The following ZNG1A variants were observed in gnomAD, a reference collection of about 807,000 sequenced individuals.
The protein encoded by ZNG1A is zinc-regulated GTPase metalloprotein activator 1A.
At chr9:168,715 A>T in the ZNG1A span, among the ~76,000 whole-genome samples, 1 of 147,168 alleles carries the variant, frequency 6.8e-6, no homozygotes, top group East Asian at 1.9e-4. Context: ...AGTTGAAGCC[A>T]ATAATCATTT....
chr9:170,179 T>A, the ZNG1A span, among the ~76,000 whole-genome samples: 105 of 149,316 alleles, frequency 7.0e-4, no homozygotes, highest in African/African-American at 2.1e-3. Flanking sequence ...AAAAACAGCT[T>A]GCTTGACCCC....
the ZNG1A span, among the ~76,000 whole-genome samples, chr9:137,454 T>C: frequency 6.6e-6 from 1 of 151,400 alleles, no homozygotes; most frequent in Non-Finnish European, 1.5e-5. Context: ...TCACAGGATC[T>C]GTAACTATCA....
At chr9:175,144 C>A in the ZNG1A span, among the ~76,000 whole-genome samples, 1 of 152,158 alleles carries the variant, frequency 6.6e-6, no homozygotes, top group African/African-American at 2.4e-5. Flanking sequence ...CTTTGGGAGG[C>A]CGAGGCGGGT....
the ZNG1A span, among the ~76,000 whole-genome samples, chr9:139,056 T>A: frequency 6.7e-6 from 1 of 149,030 alleles, no homozygotes; most frequent in Admixed American, 6.7e-5. Context: ...TATGGACATA[T>A]ACGAGACTTA....
At chr9:146,966 G>C in the ZNG1A span, 3 of 151,576 alleles carry the variant, frequency 2.0e-5, no homozygotes, top group East Asian at 1.9e-4. Context: ...ACAAGGTCAA[G>C]ATCAAGACCA....
the ZNG1A span, among the ~76,000 whole-genome samples, chr9:133,909 A>T: frequency 1.3e-5 from 2 of 148,512 alleles, no homozygotes; most frequent in South Asian, 4.4e-4. Flanking sequence ...ATAGAGGTTC[A>T]TTCGAGGCTC....
the ZNG1A span, among the ~76,000 whole-genome samples, chr9:160,628 A>G: frequency 6.6e-6 from 1 of 151,738 alleles, no homozygotes; most frequent in Non-Finnish European, 1.5e-5. Context: ...TGCTGATAAT[A>G]GATTCTATTT....
the ZNG1A span, chr9:146,218 C>G: frequency 6.3e-7 from 1 of 1,580,824 alleles, no homozygotes; most frequent in South Asian, 1.2e-5. Flanking sequence ...TCCAGTTAAT[C>G]AAGAAAAAAA....
the ZNG1A span, among the ~76,000 whole-genome samples, chr9:170,234 T>G: frequency 1.3e-5 from 2 of 151,296 alleles, no homozygotes; most frequent in Non-Finnish European, 2.9e-5. Context: ...TGGTCAAGAA[T>G]TTGCCTTTCT....
At chr9:152,410 G>T in the ZNG1A span, among the ~76,000 whole-genome samples, 1 of 152,196 alleles carries the variant, frequency 6.6e-6, no homozygotes, top group South Asian at 2.1e-4. Flanking sequence ...TTATCCTAGT[G>T]TTCTTAAAAA....
the ZNG1A span, among the ~76,000 whole-genome samples, chr9:174,646 C>T: frequency 6.7e-6 from 1 of 149,850 alleles, no homozygotes; most frequent in African/African-American, 2.5e-5. Context: ...TTTATTAAAA[C>T]CAGAAATCGA....
chr9:148,077 T>A, the ZNG1A span: 3 of 140,108 alleles, frequency 2.1e-5, no homozygotes, highest in Non-Finnish European at 4.6e-5. Flanking sequence ...AAAATAAAAA[T>A]AAAAATAAAC....
the ZNG1A span, chr9:148,736 A>G: frequency 3.4e-5 from 5 of 148,558 alleles, no homozygotes; most frequent in African/African-American, 1.3e-4. Flanking sequence ...GTTTTTCTTA[A>G]AAGAGAGGCT....
At chr9:140,173 A>C in the ZNG1A span, among the ~76,000 whole-genome samples, 2 of 151,364 alleles carry the variant, frequency 1.3e-5, no homozygotes, top group African/African-American at 4.9e-5. Context: ...AGCTCAAGGA[A>C]GCCTGCCTGC....
the ZNG1A span, among the ~76,000 whole-genome samples, chr9:128,762 A>T: frequency 6.6e-6 from 1 of 150,416 alleles, no homozygotes; most frequent in African/African-American, 2.5e-5. Flanking sequence ...TTGTTTTGTC[A>T]TACTACCAGG....
At chr9:168,482 G>A in the ZNG1A span, among the ~76,000 whole-genome samples, 2 of 150,932 alleles carry the variant, frequency 1.3e-5, no homozygotes, top group Non-Finnish European at 2.9e-5. Flanking sequence ...TTGAACTCCT[G>A]AACTCGTGAA....
At chr9:177,876 C>A in the ZNG1A span, 2 of 1,464,322 alleles carry the variant, frequency 1.4e-6, no homozygotes. Flanking sequence ...GAGCAAAAAA[C>A]GGGAATAAAC....
the ZNG1A span, chr9:172,281 G>C: frequency 3.5e-6 from 5 of 1,423,020 alleles, no homozygotes; most frequent in South Asian, 1.3e-5. Flanking sequence ...GTACCCTTGG[G>C]AATGTGAAAA....
At chr9:140,075 G>C in the ZNG1A span, among the ~76,000 whole-genome samples, 122 of 150,846 alleles carry the variant, frequency 8.1e-4, 3 homozygotes, top group Middle Eastern at 0.017. Flanking sequence ...AGGCGGCAGC[G>C]AGGCTCGGGG....
Sources: gnomAD v4.1 joint callset for allele counts (sites outside exome capture counted in the v4.1 genomes callset) on GRCh38, gnomAD v4.1.1 for gene constraint, MANE v1.5 for transcripts, NCBI Gene and HGNC (gene_info 2026-07-23, HGNC 2026-07-21) for gene names.